ZRANB3: variants seen among roughly 807,000 people sequenced by gnomAD.
The protein encoded by ZRANB3 is zinc finger RANBP2-type containing 3.
Under a neutral mutation model 133.8 loss-of-function variants are expected in ZRANB3, and 125 were observed. The observed-to-expected ratio is 0.93, with a 90% CI of 0.81 to 1.08. ZRANB3 has a LOEUF of 1.08. Among genes scored for constraint, ZRANB3 ranks in the 50% least tolerant of loss-of-function variants. ZRANB3 has a pLI of 0.00. For synonymous variants in ZRANB3, 387 were observed against 432.7 expected, an observed-to-expected ratio of 0.89 and a Z score of 1.31; for missense variants, 1,229 against 1,275.5, an observed-to-expected ratio of 0.96 and a Z score of 0.56.
rs997669448 is a variant in ZRANB3, at chr2:135,346,595, T to G, written c.592-960A>C. 2.0e-5 allele frequency among the ~76,000 whole-genome samples: 3 copies of G among 152,158 alleles called. No homozygotes were observed. The East Asian group carries it at 5.8e-4, about 29-fold the overall frequency. ...GGTGATGTAGGATTATATTTAGAAA[T>G]GGAATAGCTGATTCTAAGGTACATG... On this transcript the variant is annotated intron_variant, in intron 5 of 20. Transcript: ENST00000264159.
At chr2:135,299,518 C>T (rs1278583807) in intron 8 of ZRANB3, among the ~76,000 whole-genome samples, 3 of 152,128 alleles carry the variant, frequency 2.0e-5, no homozygotes, top group South Asian at 2.1e-4. Flanking sequence ...TGCACTAGGT[C>T]GAAATTATTA....
At chr2:135,501,473 A>G (rs1692940617) in intron 2 of ZRANB3, among the ~76,000 whole-genome samples, 2 of 152,168 alleles carry the variant, frequency 1.3e-5, no homozygotes, top group Admixed American at 1.3e-4. Flanking sequence ...TTCAATGACA[A>G]CACCATTACC....
At chr2:135,271,058 G>A (rs575344582) in intron 10 of ZRANB3, among the ~76,000 whole-genome samples, 35 of 152,276 alleles carry the variant, frequency 2.3e-4, no homozygotes, top group African/African-American at 7.5e-4. Flanking sequence ...TGTGGTTGTG[G>A]GACTAACTAT....
At chr2:135,411,918 T>A (rs968238778) in intron 2 of ZRANB3, among the ~76,000 whole-genome samples, 4 of 152,254 alleles carry the variant, frequency 2.6e-5, no homozygotes, top group African/African-American at 4.8e-5. Flanking sequence ...TATAATTTTT[T>A]AAAAAAGAAG....
At chr2:135,446,881 T>C (rs72986426) in intron 2 of ZRANB3, among the ~76,000 whole-genome samples, 6,736 of 152,126 alleles carry the variant, frequency 0.044, 498 homozygotes, top group African/African-American at 0.16. Context: ...CCTTATGAAA[T>C]TTATTTGATA....
intron 12 of ZRANB3, among the ~76,000 whole-genome samples, chr2:135,239,434 G>A (rs181958895): frequency 4.0e-5 from 6 of 150,402 alleles, no homozygotes; most frequent in East Asian, 2.0e-4. Context: ...AAAAGGAAGC[G>A]AAAAAATAAG....
At chr2:135,412,229 T>C (rs6742013) in intron 2 of ZRANB3, among the ~76,000 whole-genome samples, 46,966 of 151,980 alleles carry the variant, frequency 0.31, 11,273 homozygotes, top group African/African-American at 0.66. Flanking sequence ...AACAACTAGA[T>C]TAAATATGGG....
At chr2:135,256,607 C>T (rs374280629) in intron 12 of ZRANB3, among the ~76,000 whole-genome samples, 8 of 152,180 alleles carry the variant, frequency 5.3e-5, no homozygotes, top group East Asian at 1.9e-4. Context: ...GGATTATAGG[C>T]GTGAGCCACC....
At position 135,507,370 on chromosome 2, in the gene ZRANB3, G is replaced by GA. The variant is rs1693237676; in HGVS notation, c.-7-2875dup. 2.0e-5 allele frequency among the ~76,000 whole-genome samples: 3 copies of GA among 152,288 alleles called. No individual in the cohort carries two copies. In the South Asian group the frequency reaches 6.2e-4, roughly 32 times the overall value. On this transcript the variant is annotated intron_variant, in intron 1 of 20. Transcript: ENST00000264159. ...AGAGATAGAGAATGGATACACACAAGAAATATCAGACACTTTCCCAGCCTG... is the reference window on the plus strand; with the variant it reads ...AGAGATAGAGAATGGATACACACAAGAAAATATCAGACACTTTCCCAGCCTG...
At chr2:135,298,975 C>T (rs1369396428) in intron 8 of ZRANB3, among the ~76,000 whole-genome samples, 2 of 152,108 alleles carry the variant, frequency 1.3e-5, no homozygotes, top group African/African-American at 2.4e-5. Flanking sequence ...TTCAAGAGAA[C>T]ATCAGCTGCA....
At chr2:135,264,470 C>CAAAAAAAAAA (rs201380002) in intron 12 of ZRANB3, among the ~76,000 whole-genome samples, 4 of 64,896 alleles carry the variant, frequency 6.2e-5, no homozygotes, top group Non-Finnish European at 1.3e-4. Context: ...GACTCTGTCT[C>CAAAAAAAAAA]AAAAAAAAAA....
At chr2:135,260,936 G>A (rs1435441715) in intron 12 of ZRANB3, among the ~76,000 whole-genome samples, 1 of 144,248 alleles carries the variant, frequency 6.9e-6, no homozygotes, top group Non-Finnish European at 1.5e-5. Context: ...TTGTATTTTT[G>A]TATTTTTATT....
At chr2:135,229,848 G>A (rs191121855) in intron 13 of ZRANB3, among the ~76,000 whole-genome samples, 29 of 152,064 alleles carry the variant, frequency 1.9e-4, no homozygotes, top group African/African-American at 5.5e-4. Flanking sequence ...CGACAACCAC[G>A]GGTATTAATA....
At chr2:135,420,244 G>C (rs1688783670) in intron 2 of ZRANB3, among the ~76,000 whole-genome samples, 1 of 150,792 alleles carries the variant, frequency 6.6e-6, no homozygotes, top group Non-Finnish European at 1.5e-5. Context: ...TTCCACTTTT[G>C]TATCTCTTTA....
intron 2 of ZRANB3, among the ~76,000 whole-genome samples, chr2:135,394,769 G>A (rs1385699805): frequency 4.0e-5 from 6 of 151,876 alleles, no homozygotes; most frequent in Non-Finnish European, 8.8e-5. Context: ...ACAATGAGAA[G>A]TCAAGAGAGG....
chr2:135,368,344 T>C (rs1001785546), intron 3 of ZRANB3, among the ~76,000 whole-genome samples: 11 of 151,938 alleles, frequency 7.2e-5, no homozygotes, highest in African/African-American at 2.7e-4. Context: ...CAATAAACAA[T>C]AAATAATGAA....
chr2:135,245,443 T>C (rs1176627293), intron 12 of ZRANB3, among the ~76,000 whole-genome samples: 3 of 152,118 alleles, frequency 2.0e-5, no homozygotes, highest in Non-Finnish European at 4.4e-5. Context: ...CCTGGTTTAC[T>C]GAAAATGATT....
intron 12 of ZRANB3, among the ~76,000 whole-genome samples, chr2:135,264,977 G>A (rs1680156552): frequency 1.3e-5 from 2 of 152,084 alleles, no homozygotes; most frequent in African/African-American, 2.4e-5. Context: ...TCAAACTCCT[G>A]ACCTCAGGTG....
chr2:135,473,033 T>C (rs1327556166), intron 2 of ZRANB3, among the ~76,000 whole-genome samples: 1 of 152,192 alleles, frequency 6.6e-6, no homozygotes, highest in Non-Finnish European at 1.5e-5. Context: ...TATAAGCATT[T>C]TAAATATACA....
Sources: gnomAD v4.1 joint callset for allele counts (sites outside exome capture counted in the v4.1 genomes callset) on GRCh38, gnomAD v4.1.1 for gene constraint, MANE v1.5 for transcripts, NCBI Gene and HGNC (gene_info 2026-07-23, HGNC 2026-07-21) for gene names.